PKD2: variants seen among roughly 807,000 people sequenced by gnomAD.
PKD2 encodes polycystin 2, transient receptor potential cation channel, also known as polycystin-2.
Under a neutral mutation model 105.9 loss-of-function variants are expected in PKD2, and 48 were observed. The ratio of observed to expected loss-of-function variants is 0.45; its 90% CI spans 0.36 to 0.58. The LOEUF is 0.58. Ranked by LOEUF, PKD2 falls within the 20% of genes least tolerant of loss-of-function variation. The pLI is 0.00. For missense variants in PKD2, 1,078 were observed against 1,255.3 expected, an observed-to-expected ratio of 0.86 and a Z score of 2.13; for synonymous variants, 464 against 481.1, an observed-to-expected ratio of 0.96 and a Z score of 0.46.
intron 13 of PKD2, among the ~76,000 whole-genome samples, chr4:88,070,728 C>G (rs538823473): frequency 1.3e-5 from 2 of 151,256 alleles, no homozygotes; most frequent in Non-Finnish European, 2.9e-5. Context: ...AACACCTGGG[C>G]TCAAATGATC....
chr4:88,030,167 T>C (rs1344720655), intron 2 of PKD2, among the ~76,000 whole-genome samples: 1 of 152,194 alleles, frequency 6.6e-6, no homozygotes, highest in Non-Finnish European at 1.5e-5. Context: ...TATGTATTTA[T>C]TTGAGACAGG....
At chr4:88,074,253 G>T (rs993553983) in intron 13 of PKD2, among the ~76,000 whole-genome samples, 26 of 152,110 alleles carry the variant, frequency 1.7e-4, no homozygotes, top group African/African-American at 6.3e-4. Context: ...AGGCTCAGGT[G>T]ATCCTTCCAC....
intron 7 of PKD2, among the ~76,000 whole-genome samples, chr4:88,054,352 A>C (rs1720230964): frequency 6.6e-6 from 1 of 151,518 alleles, no homozygotes; most frequent in African/African-American, 2.4e-5. Context: ...GGTGAGCTGA[A>C]TCATGCCACT....
chr4:88,013,073 G>T (rs768084900), intron 1 of PKD2, among the ~76,000 whole-genome samples: 3 of 151,998 alleles, frequency 2.0e-5, no homozygotes, highest in Non-Finnish European at 4.4e-5. Flanking sequence ...TTCGACTGTT[G>T]TGACTTTCCG....
Position 88,056,198 on chromosome 4 carries a change from C to T in PKD2, c.1829C>T (p.Ala610Val), listed in dbSNP as rs1339345208. The T allele has an allele frequency of 3.7e-6, 6 of 1,612,904 alleles. No individual in the cohort carries two copies. The highest frequency in any genetic ancestry group is 2.2e-5 in the South Asian group (2 of 91,066). The change falls in exon 8 of 15, where the codon GCG (alanine) becomes GTG (valine). Residue 610 changes from alanine to valine, a missense_variant. Ala to Val is a moderately conservative substitution (Grantham distance 64, BLOSUM62 0). Coordinates refer to ENST00000237596, the MANE Select transcript of PKD2 (RefSeq NM_000297.4). ...FAIMFFIIFL[A>V]YAQLAYLVFG... is the part of the protein sequence containing the mutation. ...ATTATGTTCTTCATTATTTTCCTAG[C>T]GTATGCTCAGTTGGCATACCTTGTC...
At chr4:88,036,377 T>C (rs1727334206) in intron 3 of PKD2, 24 bp downstream of exon 3, 1 of 1,609,044 alleles carries the variant, frequency 6.2e-7, no homozygotes, top group Non-Finnish European at 8.5e-7. Flanking sequence ...ACTTTGAAAG[T>C]ACCTCTCTAT....
chr4:88,023,762 G>T (rs180858998), intron 2 of PKD2, among the ~76,000 whole-genome samples: 261 of 152,320 alleles, frequency 1.7e-3, no homozygotes, highest in Non-Finnish European at 3.3e-3. Flanking sequence ...TACAGTAGTA[G>T]TAGTAAGAAG....
chr4:88,040,290 G>A (rs907427721), intron 4 of PKD2, among the ~76,000 whole-genome samples: 3 of 152,050 alleles, frequency 2.0e-5, no homozygotes, highest in South Asian at 2.1e-4. Flanking sequence ...GCTTGTCGAC[G>A]CTCTCAGCTC....
intron 1 of PKD2, among the ~76,000 whole-genome samples, chr4:88,015,548 G>C (rs899305641): frequency 7.2e-5 from 11 of 151,972 alleles, no homozygotes; most frequent in African/African-American, 2.7e-4. Flanking sequence ...GAGTAGCTGG[G>C]ACTACAGCCT....
chr4:88,016,465 A>G (rs1266452164), intron 1 of PKD2, among the ~76,000 whole-genome samples: 1 of 152,124 alleles, frequency 6.6e-6, no homozygotes, highest in Non-Finnish European at 1.5e-5. Context: ...TTCTTATCCT[A>G]TCAGCTCTGC....
At chr4:88,054,903 C>G (rs1176868607) in intron 7 of PKD2, among the ~76,000 whole-genome samples, 1 of 152,114 alleles carries the variant, frequency 6.6e-6, no homozygotes, top group Non-Finnish European at 1.5e-5. Flanking sequence ...ATCCACCCAC[C>G]TCGGCCTCCC....
At chr4:88,073,579 C>T (rs1721119846) in intron 13 of PKD2, among the ~76,000 whole-genome samples, 1 of 152,016 alleles carries the variant, frequency 6.6e-6, no homozygotes. Flanking sequence ...CAGCCTGCCC[C>T]TCCCTGGGAG....
intron 13 of PKD2, among the ~76,000 whole-genome samples, chr4:88,070,574 TTATA>T (rs57470805): frequency 0.033 from 3,785 of 113,622 alleles, 111 homozygotes; most frequent in South Asian, 0.071. Context: ...TTTATTTATT[TTATA>T]TATATATATA....
At chr4:88,051,600 G>A (rs1720103915) in intron 6 of PKD2, among the ~76,000 whole-genome samples, 1 of 152,140 alleles carries the variant, frequency 6.6e-6, no homozygotes, top group Admixed American at 6.5e-5. Context: ...CAGGATGAAG[G>A]CAAGAAAGCA....
At chr4:88,015,684 A>G (rs1299933272) in intron 1 of PKD2, among the ~76,000 whole-genome samples, 2 of 152,228 alleles carry the variant, frequency 1.3e-5, no homozygotes, top group African/African-American at 4.8e-5. Flanking sequence ...GGCCTCCCAG[A>G]GTGCTGGGAT....
intron 13 of PKD2, among the ~76,000 whole-genome samples, chr4:88,068,994 A>G (rs950076676): frequency 2.6e-5 from 4 of 152,160 alleles, no homozygotes; most frequent in African/African-American, 9.7e-5. Flanking sequence ...TCTCAACTTA[A>G]TGAGGCTAAA....
At chr4:88,050,983 G>A (rs531904254) in intron 6 of PKD2, among the ~76,000 whole-genome samples, 33 of 152,312 alleles carry the variant, frequency 2.2e-4, no homozygotes, top group African/African-American at 7.7e-4. Context: ...AGAGAGAATG[G>A]ACAGCAAAGA....
At chr4:88,054,689 C>T (rs545164362) in intron 7 of PKD2, among the ~76,000 whole-genome samples, 3 of 123,644 alleles carry the variant, frequency 2.4e-5, no homozygotes, top group African/African-American at 6.4e-5. Flanking sequence ...GAGTCTTGCT[C>T]TGTCGCCCAG....
intron 2 of PKD2, among the ~76,000 whole-genome samples, chr4:88,035,678 G>A (rs907078298): frequency 6.6e-6 from 1 of 152,220 alleles, no homozygotes; most frequent in East Asian, 1.9e-4. Flanking sequence ...AAAGGGCAAA[G>A]GATTCCAGGT....
Sources: allele counts gnomAD v4.1 joint callset (sites outside exome capture counted in the v4.1 genomes callset), GRCh38; gene constraint gnomAD v4.1.1; transcripts MANE v1.5; gene names NCBI Gene and HGNC (gene_info 2026-07-23, HGNC 2026-07-21).